TMEM132C: variants seen among roughly 807,000 people sequenced by gnomAD.
TMEM132C encodes protein phosphatase 1, regulatory subunit 152.
TMEM132C carries 29 observed loss-of-function variants against 61.4 expected under a neutral mutation model. That is an observed-to-expected ratio of 0.47 (90% CI 0.35 to 0.64). The LOEUF (loss-of-function observed/expected upper bound fraction) is 0.64. TMEM132C is among the 30% of genes least tolerant of loss of function. The probability of loss-of-function intolerance (pLI) is 0.00; values close to 1 mark genes in which losing one functional copy is unlikely to be tolerated. For missense variants in TMEM132C, 1,408 were observed against 1,476.9 expected (o/e 0.95, Z 0.76); for synonymous variants, 656 against 633.1 (o/e 1.04, Z -0.54).
intron 3 of TMEM132C, among the ~76,000 whole-genome samples, chr12:128,558,469 G>T (rs1315146867): frequency 1.3e-5 from 2 of 152,206 alleles, no homozygotes; most frequent in African/African-American, 2.4e-5. Context: ...CATGTAAGAT[G>T]TGACTTTGCT....
chr12:128,308,729 T>A (rs1045707442), intron 1 of TMEM132C, among the ~76,000 whole-genome samples: 1 of 152,132 alleles, frequency 6.6e-6, no homozygotes, highest in Non-Finnish European at 1.5e-5. Flanking sequence ...GGAGCTGACC[T>A]TCATGAAGCA....
At chr12:128,366,069 A>C (rs1873858683) in intron 1 of TMEM132C, among the ~76,000 whole-genome samples, 1 of 152,194 alleles carries the variant, frequency 6.6e-6, no homozygotes, top group Non-Finnish European at 1.5e-5. Context: ...AGGCGCTGTG[A>C]ATGCACTTCC....
chr12:128,479,615 A>G (rs1238664664), intron 2 of TMEM132C, among the ~76,000 whole-genome samples: 1 of 152,224 alleles, frequency 6.6e-6, no homozygotes, highest in African/African-American at 2.4e-5. Flanking sequence ...TTCACACTCC[A>G]GTGGCAGAGT....
At chr12:128,412,270 C>CA in intron 1 of TMEM132C, among the ~76,000 whole-genome samples, 1 of 152,236 alleles carries the variant, frequency 6.6e-6, no homozygotes, top group East Asian at 1.9e-4. Context: ...CAGAACTATA[C>CA]AAAAAAGCAA....
intron 5 of TMEM132C, among the ~76,000 whole-genome samples, chr12:128,679,938 T>A (rs1283679652): frequency 1.3e-5 from 2 of 151,820 alleles, no homozygotes; most frequent in African/African-American, 2.4e-5. Context: ...TGAGCTGAGA[T>A]CTAAATGCCA....
chr12:128,615,296 G>T (rs894134667), intron 3 of TMEM132C, among the ~76,000 whole-genome samples: 2 of 152,110 alleles, frequency 1.3e-5, no homozygotes, highest in Non-Finnish European at 2.9e-5. Flanking sequence ...TGGCGGTGGT[G>T]GGGGAAGGAT....
At chr12:128,486,568 T>C (rs562046857) in intron 2 of TMEM132C, among the ~76,000 whole-genome samples, 1 of 152,254 alleles carries the variant, frequency 6.6e-6, no homozygotes, top group Non-Finnish European at 1.5e-5. Flanking sequence ...ACTTTGAAAA[T>C]ACTTACTGCT....
chr12:128,500,724 G>C (rs1157927316), intron 2 of TMEM132C, among the ~76,000 whole-genome samples: 1 of 152,130 alleles, frequency 6.6e-6, no homozygotes, highest in African/African-American at 2.4e-5. Flanking sequence ...ATACATTGAT[G>C]ATGAGAATGT....
At chr12:128,509,373 A>G (rs1466863481) in intron 2 of TMEM132C, among the ~76,000 whole-genome samples, 2 of 152,186 alleles carry the variant, frequency 1.3e-5, no homozygotes, top group African/African-American at 2.4e-5. Flanking sequence ...CATTCTTTGG[A>G]GGCTTTGGTT....
At chr12:128,304,774 C>T (rs1871711119) in intron 1 of TMEM132C, among the ~76,000 whole-genome samples, 1 of 152,124 alleles carries the variant, frequency 6.6e-6, no homozygotes, top group African/African-American at 2.4e-5. Context: ...AGAACTGTGT[C>T]CACTCAAAGA....
At chr12:128,618,540 T>G (rs7972749) in intron 4 of TMEM132C, among the ~76,000 whole-genome samples, 37,171 of 152,152 alleles carry the variant, frequency 0.24, 4,691 homozygotes, top group South Asian at 0.35. Context: ...ATCTCATCTT[T>G]AATTGTAGGT....
intron 1 of TMEM132C, among the ~76,000 whole-genome samples, chr12:128,401,538 A>G (rs1235108165): frequency 2.0e-5 from 3 of 152,174 alleles, no homozygotes; most frequent in East Asian, 3.8e-4. Context: ...TGCATTTCAC[A>G]TGCAGATTGG....
intron 2 of TMEM132C, among the ~76,000 whole-genome samples, chr12:128,537,387 G>T (rs11059742): frequency 0.48 from 73,058 of 152,020 alleles, 20,513 homozygotes; most frequent in Non-Finnish European, 0.64. Context: ...AGGGAAGGAG[G>T]GGGGATAAGG....
At chr12:128,312,664 C>G (rs1872011778) in intron 1 of TMEM132C, among the ~76,000 whole-genome samples, 1 of 152,190 alleles carries the variant, frequency 6.6e-6, no homozygotes, top group African/African-American at 2.4e-5. Flanking sequence ...CCATCAGGAA[C>G]TGGGAGACTC....
At chr12:128,331,412 TTAAC>T (rs1379089000) in intron 1 of TMEM132C, among the ~76,000 whole-genome samples, 2 of 152,222 alleles carry the variant, frequency 1.3e-5, no homozygotes, top group Non-Finnish European at 2.9e-5. Flanking sequence ...ATTGTACCCA[TTAAC>T]TAATTTCTCA....
At chr12:128,589,913 A>C (rs1020685741) in intron 3 of TMEM132C, among the ~76,000 whole-genome samples, 5 of 152,158 alleles carry the variant, frequency 3.3e-5, no homozygotes, top group African/African-American at 1.2e-4. Flanking sequence ...CAGTGCTTAG[A>C]ATCACTCTTA....
intron 1 of TMEM132C, among the ~76,000 whole-genome samples, chr12:128,372,720 TGAAA>T (rs920323707): frequency 2.0e-5 from 3 of 152,108 alleles, no homozygotes; most frequent in Admixed American, 1.3e-4. Flanking sequence ...AAGTTGGAAC[TGAAA>T]GAAAGCTTTG....
chr12:128,304,296 G>C (rs1041015077), intron 1 of TMEM132C, among the ~76,000 whole-genome samples: 1 of 152,098 alleles, frequency 6.6e-6, no homozygotes, highest in African/African-American at 2.4e-5. Flanking sequence ...ATGTGTGTGT[G>C]CGTGTAAGTG....
At chr12:128,573,219 T>G (rs1874957683) in intron 3 of TMEM132C, among the ~76,000 whole-genome samples, 1 of 152,162 alleles carries the variant, frequency 6.6e-6, no homozygotes, top group South Asian at 2.1e-4. Flanking sequence ...CTATCAATGA[T>G]AGACTGGATT....
Sources: allele counts gnomAD v4.1 joint callset (sites outside exome capture counted in the v4.1 genomes callset), GRCh38; gene constraint gnomAD v4.1.1; transcripts MANE v1.5; gene names NCBI Gene and HGNC (gene_info 2026-07-23, HGNC 2026-07-21).